Variants in COL27A1 observed in about 807,000 individuals in gnomAD.
COL27A1 encodes the protein collagen alpha-1(XXVII) chain.
A neutral mutation model predicts 251.3 loss-of-function variants in COL27A1; 106 were observed. The observed-to-expected ratio is 0.42, with a 90% confidence interval of 0.36 to 0.50. COL27A1 has a LOEUF of 0.50. Among genes scored for constraint, COL27A1 ranks in the 20% least tolerant of loss-of-function variants. COL27A1 has a pLI of 0.00. For synonymous variants in COL27A1, 1,000 were observed against 986.3 expected, an observed-to-expected ratio of 1.01 and a Z score of -0.26; for missense variants, 2,325 against 2,522.8, an observed-to-expected ratio of 0.92 and a Z score of 1.68.
At chr9:114,217,829 C>T (rs572064091) in intron 12 of COL27A1, 2 of 470,646 alleles carry the variant, frequency 4.2e-6, no homozygotes, top group East Asian at 6.9e-5. Context: ...CAGAAGGTGC[C>T]CTGGCTGGAC....
intron 35 of COL27A1, among the ~76,000 whole-genome samples, chr9:114,269,634 A>AAAAAAAAAAAAAAG (rs796293254): frequency 1.7e-5 from 2 of 114,390 alleles, no homozygotes; most frequent in African/African-American, 4.3e-5. Context: ...AAAAAAAAAA[A>AAAAAAAAAAAAAAG]AAGAAGAAGA....
chr9:114,288,510 G>C lies in COL27A1; in HGVS notation c.4043G>C (p.Arg1348Pro), dbSNP rs1631319. Residue 1348 changes from arginine to proline, a missense_variant and splice_region_variant, in exon 42 of 61, where the codon CGG (arginine) becomes CCG (proline). Physicochemically the swap from Arg to Pro is moderately radical, Grantham distance 103. Around this residue, in one of 4 missense-constraint regions of COL27A1, gnomAD observed 662 missense variants for 795.3 expected, o/e 0.83. Coordinates refer to ENST00000356083, the MANE Select transcript of COL27A1 (RefSeq NM_032888.4). ...AEGPPGPPGDRGPVGDRGDRG... is the reference protein window; with the variant it reads ...AEGPPGPPGDPGPVGDRGDRG... ...GGGCCCCCTGGGCCACCTGGAGATC[G>C]GGTAAGCCCCCTCCCTCCCCTGGAC... 1 of 1,604,408 alleles carries C rather than the reference G, an allele frequency of 6.2e-7. No individual in the cohort carries two copies. Among genetic ancestry groups the C allele is most frequent in the East Asian group, 2.2e-5 (1 of 44,574 alleles).
chr9:114,208,084 G>A (rs1830086556), intron 10 of COL27A1, among the ~76,000 whole-genome samples: 1 of 152,160 alleles, frequency 6.6e-6, no homozygotes, highest in Non-Finnish European at 1.5e-5. Flanking sequence ...TTGGTCCTAG[G>A]CAAGTTGCTT....
At chr9:114,246,231 A>G in intron 24 of COL27A1, 1 of 274,694 alleles carries the variant, frequency 3.6e-6, no homozygotes, top group South Asian at 7.3e-5. Flanking sequence ...AGCCCTTGGC[A>G]GTCGTTGCTC....
intron 16 of COL27A1, 69 bp from the exon 17 acceptor site, chr9:114,235,530 G>A (rs1832320508): frequency 3.4e-6 from 4 of 1,179,502 alleles, no homozygotes; most frequent in Non-Finnish European, 5.1e-6. Context: ...CTCGCCAGGG[G>A]GTCTGTGGGG....
intron 49 of COL27A1, among the ~76,000 whole-genome samples, chr9:114,295,385 C>T (rs988001342): frequency 7.9e-5 from 12 of 152,200 alleles, no homozygotes; most frequent in African/African-American, 2.9e-4. Context: ...ATTGATTCAA[C>T]ACAATTCCAA....
At chr9:114,165,629 T>TATCCATTTATCC (rs928684957) in intron 2 of COL27A1, among the ~76,000 whole-genome samples, 1 of 131,374 alleles carries the variant, frequency 7.6e-6, no homozygotes, top group Non-Finnish European at 1.6e-5. Flanking sequence ...ATTCATCTAC[T>TATCCATTTATCC]ATCCATTTAT....
At position 114,178,451 on chromosome 9, in the gene COL27A1, C is replaced by T. The variant is rs1040568035; in HGVS notation, c.1962+107C>T. Reference sequence around the variant, plus strand: ...TGTGTGTCCTCAGGTTCTTCCCTCCCCCTCTCTGGCACCCATATTTGGCTT... The same window carrying T: ...TGTGTGTCCTCAGGTTCTTCCCTCCTCCTCTCTGGCACCCATATTTGGCTT... On this transcript the variant is annotated intron_variant, in intron 4 of 60. Coordinates refer to ENST00000356083, the MANE Select transcript of COL27A1 (RefSeq NM_032888.4). 7 of 973,206 alleles carry T rather than the reference C, an allele frequency of 7.2e-6. No homozygotes were observed. In the Admixed American group the frequency reaches 1.1e-4, roughly 15 times the overall value. The allele number at this position is 973,206 out of a possible 1,614,324, so 60.3% of individuals were successfully genotyped here. A position where few individuals can be genotyped will look rare whatever the true frequency, so the allele number is the denominator to read the frequency against.
At chr9:114,154,271 C>CCCCCCG (rs1010014314), upstream of COL27A1, among the ~76,000 whole-genome samples, 1 of 152,118 alleles carries the variant, frequency 6.6e-6, no homozygotes, top group Non-Finnish European at 1.5e-5. This position sits in a 1 kb window ranked among gnomAD's most constrained non-coding sequence, Gnocchi z 5.8. Context: ...GGGGACCTCG[C>CCCCCCG]CCCCCGCCCC....
At chr9:114,212,269 G>A (rs769527535) in intron 12 of COL27A1, among the ~76,000 whole-genome samples, 1 of 152,214 alleles carries the variant, frequency 6.6e-6, no homozygotes, top group Non-Finnish European at 1.5e-5. Flanking sequence ...GTCTGAGAGG[G>A]CTGGGCTGGC....
intron 35 of COL27A1, among the ~76,000 whole-genome samples, chr9:114,270,522 T>C (rs2636865): frequency 0.82 from 125,127 of 152,132 alleles, 52,136 homozygotes; most frequent in African/African-American, 0.95. Flanking sequence ...TCTGGAGAGC[T>C]GAGGGTGGGC....
chr9:114,291,713 C>T (rs1313521562), intron 48 of COL27A1, among the ~76,000 whole-genome samples: 2 of 152,162 alleles, frequency 1.3e-5, no homozygotes, highest in Non-Finnish European at 2.9e-5. Context: ...CGCACCACTG[C>T]ACTCCAGCCT....
At chr9:114,157,501 C>T (rs1848202066) in intron 1 of COL27A1, among the ~76,000 whole-genome samples, 1 of 152,246 alleles carries the variant, frequency 6.6e-6, no homozygotes, top group Admixed American at 6.5e-5. Flanking sequence ...CTCTCCTGTG[C>T]CTCCACCAGC....
intron 28 of COL27A1, 85 bp from the exon 29 acceptor site, chr9:114,264,270 G>A (rs1834563640): frequency 8.1e-6 from 9 of 1,105,918 alleles, no homozygotes; most frequent in Non-Finnish European, 1.1e-5. Context: ...GAAGGCCCCA[G>A]GCTTGGAGCA....
intron 12 of COL27A1, 94 bp downstream of exon 12, chr9:114,211,120 T>A: frequency 7.7e-7 from 1 of 1,292,432 alleles, no homozygotes; most frequent in Non-Finnish European, 1.1e-6. Flanking sequence ...TGGCATCTTC[T>A]GCTTCTCCCC....
At chr9:114,246,684 A>G (rs1012082327) in intron 24 of COL27A1, among the ~76,000 whole-genome samples, 4 of 152,234 alleles carry the variant, frequency 2.6e-5, no homozygotes, top group Admixed American at 2.0e-4. Flanking sequence ...AAACCCCGTC[A>G]GTGGCGTGAG....
intron 41 of COL27A1, among the ~76,000 whole-genome samples, chr9:114,286,129 G>T (rs2131606273): frequency 6.6e-6 from 1 of 152,324 alleles, no homozygotes; most frequent in Middle Eastern, 3.4e-3. Context: ...TGAGCTAGAG[G>T]ATGGAAATGA....
intron 49 of COL27A1, among the ~76,000 whole-genome samples, chr9:114,296,833 G>C (rs544789306): frequency 6.6e-5 from 10 of 152,302 alleles, no homozygotes; most frequent in African/African-American, 2.4e-4. Context: ...AATAGATAAA[G>C]TGTGGTATAT....
intron 27 of COL27A1, among the ~76,000 whole-genome samples, chr9:114,253,742 G>A (rs190467572): frequency 3.3e-5 from 5 of 152,198 alleles, no homozygotes; most frequent in Non-Finnish European, 7.3e-5. Flanking sequence ...TGATCGTGTG[G>A]GTTAAATGGA....
Sources: allele counts gnomAD v4.1 joint callset (sites outside exome capture counted in the v4.1 genomes callset), GRCh38; gene constraint gnomAD v4.1.1; regional missense constraint gnomAD v4.1.1; non-coding constraint Gnocchi (gnomAD v3.1); transcripts MANE v1.5; gene names NCBI Gene and HGNC (gene_info 2026-07-23, HGNC 2026-07-21).